DOCK3: variants seen among roughly 807,000 people sequenced by gnomAD.
DOCK3 encodes dedicator of cytokinesis 3, also known as dedicator of cytokinesis protein 3.
In DOCK3, 60 loss-of-function variants were observed where a neutral mutation model predicts 265.6. That is an observed-to-expected ratio of 0.23 (90% confidence interval 0.18 to 0.28). DOCK3 has a LOEUF of 0.28. Among genes scored for constraint, DOCK3 ranks in the 10% least tolerant of loss-of-function variants. DOCK3 has a pLI of 1.00. For missense variants in DOCK3, 1,981 were observed against 2,594.3 expected (o/e 0.76, Z 5.14); for synonymous variants, 881 against 938.0 (o/e 0.94, Z 1.11).
intron 50 of DOCK3, among the ~76,000 whole-genome samples, chr3:51,375,443 A>C (rs2088030002): frequency 6.6e-6 from 1 of 152,212 alleles, no homozygotes; most frequent in South Asian, 2.1e-4. Flanking sequence ...AAAAGGATGC[A>C]AACAGATGCT....
At chr3:51,174,200 A>T (rs2086826133) in intron 12 of DOCK3, among the ~76,000 whole-genome samples, 1 of 152,168 alleles carries the variant, frequency 6.6e-6, no homozygotes, top group African/African-American at 2.4e-5. Context: ...CACCCCTGTA[A>T]TCCCAGCACT....
intron 5 of DOCK3, among the ~76,000 whole-genome samples, chr3:50,961,323 A>T (rs1157086233): frequency 6.6e-6 from 1 of 152,180 alleles, no homozygotes; most frequent in Non-Finnish European, 1.5e-5. Context: ...TCTTAGATTG[A>T]GAGAAAAATG....
At chr3:51,278,951 A>G (rs920738134) in intron 26 of DOCK3, among the ~76,000 whole-genome samples, 4 of 152,128 alleles carry the variant, frequency 2.6e-5, no homozygotes, top group African/African-American at 9.7e-5. Context: ...GCACACATGT[A>G]TTTTTAATAA....
chr3:51,343,529 A>C (rs1302072031), intron 38 of DOCK3, among the ~76,000 whole-genome samples: 2 of 152,356 alleles, frequency 1.3e-5, no homozygotes, highest in East Asian at 3.9e-4. Flanking sequence ...GAACAAGGAC[A>C]AAAAGTAGTA....
At chr3:50,869,380 T>TTTTTTTTTTTTTTTTTTTTTTTTG (rs1553688548) in intron 3 of DOCK3, among the ~76,000 whole-genome samples, 1 of 70,892 alleles carries the variant, frequency 1.4e-5, no homozygotes, top group Non-Finnish European at 2.6e-5. Context: ...TTTTTTTTTT[T>TTTTTTTTTTTTTTTTTTTTTTTTG]TTTTTTTTTT....
At chr3:50,727,617 GA>G (rs1326443837) in intron 1 of DOCK3, among the ~76,000 whole-genome samples, 1 of 152,178 alleles carries the variant, frequency 6.6e-6, no homozygotes, top group Non-Finnish European at 1.5e-5. Context: ...AGAATTGCTT[GA>G]AACCGGGAGG....
chr3:51,337,451 A>G (rs2110049634), intron 35 of DOCK3, among the ~76,000 whole-genome samples: 1 of 152,298 alleles, frequency 6.6e-6, no homozygotes, highest in Non-Finnish European at 1.5e-5. Context: ...ACCTGACCCT[A>G]GAAATCTGTA....
chr3:50,896,663 A>G (rs1419454031), intron 4 of DOCK3, among the ~76,000 whole-genome samples: 1 of 152,050 alleles, frequency 6.6e-6, no homozygotes, highest in Non-Finnish European at 1.5e-5. Flanking sequence ...TAATATTTGT[A>G]TAAGATTCTG....
At position 50,767,690 on chromosome 3, in the gene DOCK3, A is replaced by G. The variant is rs147341955; in HGVS notation, c.38-10985A>G. Among the ~76,000 whole-genome samples the G allele has an allele frequency of 3.9e-4, 60 of 152,272 alleles. No homozygotes were observed. In the East Asian group the frequency reaches 0.011, roughly 28 times the overall value. On this transcript the variant is annotated intron_variant, in intron 1 of 52. Coordinates refer to ENST00000266037, the MANE Select transcript of DOCK3 (RefSeq NM_004947.5). ...GGTAGCTTGATGGGGATGGCATTGA[A>G]TCTATAAATTACCTTGGGCAATATG...
intron 12 of DOCK3, among the ~76,000 whole-genome samples, chr3:51,173,090 G>A (rs1183880664): frequency 6.6e-6 from 1 of 152,076 alleles, no homozygotes; most frequent in Non-Finnish European, 1.5e-5. Context: ...GATTTTGACT[G>A]TATACTTACC....
intron 5 of DOCK3, among the ~76,000 whole-genome samples, chr3:50,970,986 T>TA (rs71633051): frequency 0.1 from 9,517 of 91,716 alleles, 965 homozygotes; most frequent in Admixed American, 0.14. Context: ...ATATTTTTTT[T>TA]ATTTTAATTT....
intron 2 of DOCK3, among the ~76,000 whole-genome samples, chr3:50,810,586 A>G (rs1215886877): frequency 6.6e-6 from 1 of 152,172 alleles, no homozygotes; most frequent in African/African-American, 2.4e-5. Flanking sequence ...AATGATTTGC[A>G]CACTTACGGA....
intron 5 of DOCK3, among the ~76,000 whole-genome samples, chr3:50,963,711 A>C (rs1040667342): frequency 6.6e-6 from 1 of 152,174 alleles, no homozygotes; most frequent in Admixed American, 6.5e-5. Flanking sequence ...ACAGGAAATA[A>C]ATAAGGTGAG....
At chr3:51,201,719 A>T (rs892089046) in intron 12 of DOCK3, among the ~76,000 whole-genome samples, 1 of 152,086 alleles carries the variant, frequency 6.6e-6, no homozygotes, top group African/African-American at 2.4e-5. Flanking sequence ...CAGAATATAC[A>T]TTTTTTTCAG....
chr3:51,068,525 G>C (rs2081705607), intron 6 of DOCK3, among the ~76,000 whole-genome samples: 1 of 121,812 alleles, frequency 8.2e-6, no homozygotes, highest in Non-Finnish European at 1.6e-5. Context: ...GGGCGACAGA[G>C]CGAGACTCCG....
chr3:50,856,628 G>A (rs2046613544), intron 3 of DOCK3, among the ~76,000 whole-genome samples: 5 of 151,904 alleles, frequency 3.3e-5, no homozygotes, highest in Admixed American at 3.3e-4. Flanking sequence ...AATTCTGTAG[G>A]TTGTCTGTTT....
At chr3:50,900,351 C>T (rs1313304825) in intron 4 of DOCK3, among the ~76,000 whole-genome samples, 1 of 152,110 alleles carries the variant, frequency 6.6e-6, no homozygotes, top group Non-Finnish European at 1.5e-5. Context: ...CTTCTTTAAA[C>T]CAGTTATGCT....
intron 1 of DOCK3, among the ~76,000 whole-genome samples, chr3:50,705,922 T>A (rs1246303737): frequency 6.6e-6 from 1 of 151,946 alleles, no homozygotes; most frequent in East Asian, 1.9e-4. Context: ...TCCGAGCTAC[T>A]CAGGAGGCTG....
chr3:51,033,712 A>G (rs957898408), intron 5 of DOCK3, among the ~76,000 whole-genome samples: 3 of 152,170 alleles, frequency 2.0e-5, no homozygotes, highest in Non-Finnish European at 4.4e-5. Flanking sequence ...GCAGTTAATC[A>G]TTGGTCCTTT....
Sources: gnomAD v4.1 joint callset for allele counts (sites outside exome capture counted in the v4.1 genomes callset) on GRCh38, gnomAD v4.1.1 for gene constraint, MANE v1.5 for transcripts, NCBI Gene and HGNC (gene_info 2026-07-23, HGNC 2026-07-21) for gene names.